VPS51: variants seen among roughly 807,000 people sequenced by gnomAD.
The protein encoded by VPS51 is vacuolar protein sorting-associated protein 51 homolog.
Under a neutral mutation model 65.1 loss-of-function variants are expected in VPS51, and 55 were observed. The ratio of observed to expected loss-of-function variants is 0.84; its 90% CI spans 0.68 to 1.06. VPS51 has a LOEUF of 1.06. VPS51 is among the 50% of genes least tolerant of loss of function. VPS51 has a pLI of 0.00. For missense variants in VPS51, 943 were observed against 1,101.6 expected, an observed-to-expected ratio of 0.86 and a Z score of 2.04; for synonymous variants, 473 against 489.5, an observed-to-expected ratio of 0.97 and a Z score of 0.44.
chr11:65,096,497 TGGGGGGGTGCGGGGAGG>T lies in VPS51; in HGVS notation c.228+24_228+40del, dbSNP rs1565307516. 1 of 628,482 alleles carries T rather than the reference TGGGGGGGTGCGGGGAGG, an allele frequency of 1.6e-6. No individual in the cohort carries two copies. 38.9% of individuals were successfully genotyped at this position (628,482 alleles called of 1,614,324 possible). A position where few individuals can be genotyped will look rare whatever the true frequency, so the allele number is the denominator to read the frequency against. The stretch of plus-strand genomic sequence containing the variant: ...AGACAAGGTGTGTGCGCACGGGGAG[TGGGGGGGTGCGGGGAGG>T]GGGGAAGGGAACCAGGCCCCTGCTA... On this transcript the variant is annotated intron_variant, in intron 1 of 9. Coordinates refer to ENST00000279281, the MANE Select transcript of VPS51 (RefSeq NM_013265.4).
intron 1 of VPS51, 32 bp downstream of exon 1, chr11:65,096,510 G>A (rs1056801443): frequency 2.7e-6 from 3 of 1,120,694 alleles, no homozygotes; most frequent in Non-Finnish European, 3.8e-6. Context: ...GGGGGTGCGG[G>A]GAGGGGGGAA....
At position 65,096,268 on chromosome 11, in the gene VPS51, C is replaced by T. The variant is rs1396695852; in HGVS notation, c.18C>T (p.Ala6=). 4.6e-6 allele frequency: 7 copies of T among 1,518,896 alleles called. No homozygotes were observed. Among genetic ancestry groups the T allele is most frequent in the Admixed American group, 2.3e-5 (1 of 44,060 alleles). 94.1% of individuals were successfully genotyped at this position (1,518,896 alleles called of 1,614,324 possible). A position where few individuals can be genotyped will look rare whatever the true frequency, so the allele number is the denominator to read the frequency against. ...TTGGAACGATGGCGGCGGCAGCTGC[C>T]GCCGGGCCTAGCCCGGGGTCTGGAC... MAAAA[A]AGPSPGSGPG... is the part of the protein sequence containing the mutation. The change falls in exon 1 of 10, where the codon GCC becomes GCT. Residue 6 remains alanine (A), a synonymous_variant. Transcript: ENST00000279281.
At chr11:65,102,017 CT>C (rs990847395) in intron 2 of VPS51, among the ~76,000 whole-genome samples, 2,536 of 121,878 alleles carry the variant, frequency 0.021, 10 homozygotes, top group African/African-American at 0.028. Context: ...TCTTAACAAG[CT>C]TTTTTTTTTT....
rs779385045 is a variant in VPS51, at chr11:65,110,595, T to A, written c.1992T>A (p.Tyr664Ter). Reference sequence around the variant, plus strand: ...AGCAGGGCCGCTACGCCCCCAGCTATACCCCCAGGTCTGGCTGGTCAGGGG... The same window carrying A: ...AGCAGGGCCGCTACGCCCCCAGCTAAACCCCCAGGTCTGGCTGGTCAGGGG... ...SRQQGRYAPS[Y>*]TPSAPMDTNL... Residue 664 changes from tyrosine (Y) to a stop codon, truncating the protein, a stop_gained, in exon 8 of 10, where the codon TAT (tyrosine) becomes TAA (stop). Transcript: ENST00000279281. LOFTEE classifies it high-confidence loss of function. 12 of 1,614,024 alleles carry A rather than the reference T, an allele frequency of 7.4e-6. No individual in the cohort carries two copies. In the South Asian group the frequency reaches 1.2e-4, roughly 16 times the overall value.
In VPS51 at chr11:65,108,795, C is replaced by T; in HGVS notation, c.1324C>T (p.Leu442=). The T allele has an allele frequency of 3.1e-6, 5 of 1,612,856 alleles. No individual in the cohort carries two copies. The highest frequency in any genetic ancestry group is 1.1e-5 in the South Asian group (1 of 91,090). The change falls in exon 5 of 10, where the codon CTG becomes TTG. Residue 442 remains leucine, a synonymous_variant. Coordinates refer to ENST00000279281, the MANE Select transcript of VPS51 (RefSeq NM_013265.4). ...PRVAGKEGPG[L]AELLANVASS... ...CGTGGCTGGGAAGGAGGGCCCTGGCCTGGCCGAGTTGCTGGCCAATGTGGC... is the reference window on the plus strand; with the variant it reads ...CGTGGCTGGGAAGGAGGGCCCTGGCTTGGCCGAGTTGCTGGCCAATGTGGC...
intron 1 of VPS51, chr11:65,096,793 C>A: frequency 1.3e-6 from 1 of 784,238 alleles, no homozygotes; most frequent in Non-Finnish European, 2.0e-6. Context: ...ATTTCAAATG[C>A]TGACAAACAC....
Position 65,096,504 on chromosome 11 carries a change from G to T in VPS51, c.228+26G>T, listed in dbSNP as rs763321320. 4.6e-6 allele frequency: 5 copies of T among 1,083,788 alleles called. No individual in the cohort carries two copies. In the East Asian group the frequency reaches 1.4e-4, roughly 30 times the overall value. 67.1% of individuals were successfully genotyped at this position (1,083,788 alleles called of 1,614,324 possible). A position where few individuals can be genotyped will look rare whatever the true frequency, so the allele number is the denominator to read the frequency against. On this transcript the variant is annotated intron_variant, in intron 1 of 9. Coordinates refer to ENST00000279281, the MANE Select transcript of VPS51 (RefSeq NM_013265.4). ...GTGTGTGCGCACGGGGAGTGGGGGG[G>T]TGCGGGGAGGGGGGAAGGGAACCAG...
chr11:65,109,020 T>G, intron 5 of VPS51, 106 bp downstream of exon 5: 1 of 1,358,172 alleles, frequency 7.4e-7, no homozygotes, highest in East Asian at 2.3e-5. Context: ...CTGGGTGTGG[T>G]TTCAGGTTCT....
chr11:65,111,470 C>G lies in VPS51; in HGVS notation c.2232C>G (p.Ala744=). The G allele has an allele frequency of 6.2e-7, 1 of 1,613,940 alleles. No individual in the cohort carries two copies. The highest frequency in any genetic ancestry group is 2.2e-5 in the East Asian group (1 of 44,886). The change falls in exon 10 of 10, where the codon GCC becomes GCG. Residue 744 remains alanine (A), a synonymous_variant. Transcript: ENST00000279281. The part of the protein sequence containing the change: ...FLQLYLWRFV[A]DEELVHLLLD... ...AGCTCTACCTGTGGCGTTTTGTGGC[C>G]GACGAAGAACTCGTGCACTTGCTGC...
chr11:65,103,245 A>C (rs1270765260), intron 2 of VPS51, among the ~76,000 whole-genome samples: 1 of 152,182 alleles, frequency 6.6e-6, no homozygotes, highest in Non-Finnish European at 1.5e-5. Context: ...ACCCTATCTC[A>C]AGCAAAGAAA....
chr11:65,108,206 C>T lies in VPS51; in HGVS notation c.735C>T (p.Gly245=), dbSNP rs1280860128. 3 of 1,600,492 alleles carry T rather than the reference C, an allele frequency of 1.9e-6. No homozygotes were observed. The South Asian group carries it at 3.3e-5, about 18-fold the overall frequency. ...CCTCTCCCTCGTGCAGGGAGGGCGG[C>T]TCAGGCGCCCCGGAGCAGGCAGAGT... is the stretch of plus-strand genomic sequence containing the variant. ...QQLRQRFREG[G]SGAPEQAECV... Residue 245 remains glycine, a synonymous_variant, in exon 5 of 10, where the codon GGC becomes GGT. Coordinates refer to ENST00000279281, the MANE Select transcript of VPS51 (RefSeq NM_013265.4).
rs200135631 is a variant in VPS51 at position 65,108,068 on chromosome 11, C to G, written c.725+46C>G. On this transcript the variant is annotated intron_variant, in intron 4 of 9. Coordinates refer to ENST00000279281, the MANE Select transcript of VPS51 (RefSeq NM_013265.4). ...CCCCAGCGCTCCCGCCAGCCCCGAG[C>G]CCCATCTGTGCCCGGCTCCTGGGCC... The G allele has an allele frequency of 3.4e-4, 505 of 1,490,826 alleles. 1 individual carries two copies. The African/African-American group carries it at 6.1e-3, about 18-fold the overall frequency. The allele number at this position is 1,490,826 out of a possible 1,614,324, so 92.3% of individuals were successfully genotyped here.
Position 65,108,186 on chromosome 11 carries a change from C to A in VPS51, c.726-11C>A. The A allele has an allele frequency of 6.3e-7, 1 of 1,597,716 alleles. No individual in the cohort carries two copies. Among genetic ancestry groups the A allele is most frequent in the East Asian group, 2.2e-5 (1 of 44,520 alleles). ...CCCGGCCCTGCCCTTCACTACCTCT[C>A]CCTCGTGCAGGGAGGGCGGCTCAGG... On this transcript the variant is annotated splice_polypyrimidine_tract_variant and intron_variant, in intron 4 of 9. Transcript: ENST00000279281.
At chr11:65,109,639 T>C (rs1453256901) in intron 6 of VPS51, 66 bp from the exon 7 acceptor site, 6 of 1,516,124 alleles carry the variant, frequency 4.0e-6, no homozygotes, top group Non-Finnish European at 5.3e-6. Context: ...CAGCTCCTGG[T>C]TGGCAGTGGC....
chr11:65,100,097 C>T (rs927705566), intron 2 of VPS51, among the ~76,000 whole-genome samples: 4 of 151,792 alleles, frequency 2.6e-5, no homozygotes, highest in African/African-American at 4.8e-5. Flanking sequence ...AGCGAGACTC[C>T]GTCTCAAAAA....
chr11:65,099,549 T>C (rs1010361587), intron 2 of VPS51, among the ~76,000 whole-genome samples: 6 of 152,018 alleles, frequency 3.9e-5, no homozygotes, highest in African/African-American at 7.2e-5. Context: ...ATCCCTGCAC[T>C]TTGGAAGGCT....
intron 2 of VPS51, among the ~76,000 whole-genome samples, chr11:65,101,987 C>T (rs1176586420): frequency 6.6e-6 from 1 of 151,248 alleles, no homozygotes; most frequent in South Asian, 2.1e-4. Flanking sequence ...CTTTCACTCT[C>T]CCTGGTTACA....
In VPS51 at chr11:65,111,808, G is replaced by T. The variant is rs1947906802; in HGVS notation, c.*221G>T. On this transcript the variant is annotated 3_prime_UTR_variant, in exon 10 of 10. Transcript: ENST00000279281. ...CGCCCCCGAGCGCCGATTGGCTGGT[G>T]TGCTGGGCCCAGCATGGGCAGGGGG... is the stretch of plus-strand genomic sequence containing the variant. 2 of 954,188 alleles carry T rather than the reference G, an allele frequency of 2.1e-6. No homozygotes were observed. The highest frequency in any genetic ancestry group is 3.0e-6 in the Non-Finnish European group (2 of 657,332). 59.1% of individuals were successfully genotyped at this position (954,188 alleles called of 1,614,324 possible).
chr11:65,110,128 C>T (rs1462619670), intron 7 of VPS51: 5 of 649,400 alleles, frequency 7.7e-6, no homozygotes, highest in Middle Eastern at 4.2e-4. Context: ...GAAGACCAAA[C>T]GGGCTGGGGA....
Sources: gnomAD v4.1 joint callset for allele counts (sites outside exome capture counted in the v4.1 genomes callset) on GRCh38, gnomAD v4.1.1 for gene constraint, MANE v1.5 for transcripts, NCBI Gene and HGNC (gene_info 2026-07-23, HGNC 2026-07-21) for gene names.